The following PCSK5 variants were observed in gnomAD, a reference collection of about 807,000 sequenced individuals.
The protein encoded by PCSK5 is proprotein convertase subtilisin/kexin type 5, also known as prohormone convertase 5.
Under a neutral mutation model 233.2 loss-of-function variants are expected in PCSK5, and 129 were observed. The ratio of observed to expected loss-of-function variants is 0.55; its 90% CI spans 0.48 to 0.64. PCSK5 has a LOEUF of 0.64. PCSK5 is among the 30% of genes least tolerant of loss of function. The pLI is 0.00. For synonymous variants in PCSK5, 825 were observed against 879.2 expected (o/e 0.94, Z 1.09); for missense variants, 2,076 against 2,430.1 (o/e 0.85, Z 3.06).
rs1344274251 is a variant in PCSK5 at position 76,358,682 on chromosome 9, A to G, written c.5424A>G (p.Lys1808=). 3 of 1,612,778 alleles carry G rather than the reference A, an allele frequency of 1.9e-6. No homozygotes were observed. The highest frequency in any genetic ancestry group is 2.5e-6 in the Non-Finnish European group (3 of 1,179,886). The change falls in exon 38 of 38, where the codon AAA becomes AAG. Residue 1808 remains lysine (K), a synonymous_variant. Transcript: ENST00000674117. Reference sequence around the variant, plus strand: ...CAGCAGCAAAGGCCGGCTATGAAAAACTGGCCGACCCCAACAAGTCTTACT... The same window carrying G: ...CAGCAGCAAAGGCCGGCTATGAAAAGCTGGCCGACCCCAACAAGTCTTACT... ...VQPAAKAGYE[K]LADPNKSYSS...
At chr9:76,109,204 T>C (rs1483361139) in intron 9 of PCSK5, among the ~76,000 whole-genome samples, 1 of 152,218 alleles carries the variant, frequency 6.6e-6, no homozygotes, top group African/African-American at 2.4e-5. Flanking sequence ...TGGTGAACTC[T>C]ACCCAGGATT....
intron 33 of PCSK5, 30 bp from the exon 34 acceptor site, chr9:76,332,403 T>C (rs755890986): frequency 6.3e-7 from 1 of 1,584,906 alleles, no homozygotes; most frequent in Admixed American, 1.7e-5. Context: ...ATGCTCGATG[T>C]CCAAATAGAC....
At chr9:76,277,308 C>A (rs559182942) in intron 24 of PCSK5, among the ~76,000 whole-genome samples, 9 of 152,208 alleles carry the variant, frequency 5.9e-5, no homozygotes, top group African/African-American at 2.2e-4. Context: ...TAAATGAATA[C>A]GTGAATGAAT....
intron 27 of PCSK5, among the ~76,000 whole-genome samples, chr9:76,298,793 G>C (rs1828521408): frequency 6.6e-6 from 1 of 152,176 alleles, no homozygotes; most frequent in African/African-American, 2.4e-5. Context: ...ATTACAGAGT[G>C]TTTTTGAGAG....
intron 10 of PCSK5, among the ~76,000 whole-genome samples, chr9:76,141,644 G>T (rs762265595): frequency 6.6e-6 from 1 of 152,070 alleles, no homozygotes. Context: ...GCCTCCTCCT[G>T]CTGTGGCAAC....
intron 2 of PCSK5, among the ~76,000 whole-genome samples, chr9:75,954,064 T>G (rs898309709): frequency 6.6e-6 from 1 of 152,182 alleles, no homozygotes; most frequent in Non-Finnish European, 1.5e-5. Context: ...AAAAGGACAC[T>G]GTAAGCCATC....
intron 2 of PCSK5, among the ~76,000 whole-genome samples, chr9:75,950,979 T>G (rs186834122): frequency 2.0e-5 from 3 of 152,340 alleles, no homozygotes; most frequent in African/African-American, 7.2e-5. Context: ...AAGCAACCAT[T>G]GAAAGATTTG....
chr9:76,041,187 T>C (rs1275815857), intron 5 of PCSK5, among the ~76,000 whole-genome samples: 1 of 152,230 alleles, frequency 6.6e-6, no homozygotes, highest in African/African-American at 2.4e-5. Flanking sequence ...AAGTTCTTTT[T>C]ATGTAAAATA....
chr9:76,343,274 C>T (rs902306357), intron 35 of PCSK5, among the ~76,000 whole-genome samples: 4 of 150,712 alleles, frequency 2.7e-5, no homozygotes, highest in African/African-American at 7.3e-5. Flanking sequence ...AAATGATTAT[C>T]CTGAACCAGC....
chr9:76,047,637 C>T (rs1829469448), intron 5 of PCSK5, among the ~76,000 whole-genome samples: 1 of 152,092 alleles, frequency 6.6e-6, no homozygotes, highest in South Asian at 2.1e-4. Flanking sequence ...TTTCCTTATT[C>T]TCTTATTTAA....
intron 24 of PCSK5, among the ~76,000 whole-genome samples, chr9:76,256,258 T>TA (rs1826977584): frequency 6.6e-6 from 1 of 152,248 alleles, no homozygotes; most frequent in Admixed American, 6.5e-5. Context: ...TTCATGCTAT[T>TA]ACGCTATTTC....
At chr9:75,963,981 C>T (rs563788672) in intron 2 of PCSK5, among the ~76,000 whole-genome samples, 6 of 152,326 alleles carry the variant, frequency 3.9e-5, no homozygotes, top group East Asian at 1.9e-4. Context: ...CACATTTTTA[C>T]GTGGCCTTGG....
At chr9:76,190,955 A>G (rs1824345932) in intron 20 of PCSK5, among the ~76,000 whole-genome samples, 1 of 152,142 alleles carries the variant, frequency 6.6e-6, no homozygotes, top group Admixed American at 6.6e-5. Context: ...ATTCTCCCTA[A>G]CAATTTAGCT....
intron 27 of PCSK5, 29 bp from the exon 28 acceptor site, chr9:76,302,108 A>C (rs1182920880): frequency 8.7e-7 from 1 of 1,153,264 alleles, no homozygotes; most frequent in South Asian, 1.4e-5. Context: ...TTAAAAAAAA[A>C]CTAAACACTT....
chr9:76,279,875 C>G (rs1014294702), intron 24 of PCSK5, among the ~76,000 whole-genome samples: 25 of 151,716 alleles, frequency 1.6e-4, no homozygotes, highest in Admixed American at 2.6e-4. Flanking sequence ...CCTGTTCACT[C>G]TGATGGTAGT....
At chr9:76,006,696 C>T (rs1827491940) in intron 3 of PCSK5, among the ~76,000 whole-genome samples, 1 of 152,080 alleles carries the variant, frequency 6.6e-6, no homozygotes, top group Non-Finnish European at 1.5e-5. Context: ...TTTCATCCAC[C>T]ATCAGTTCTT....
At chr9:76,302,274 G>A in intron 28 of PCSK5, 57 bp downstream of exon 28, 1 of 811,640 alleles carries the variant, frequency 1.2e-6, no homozygotes, top group Non-Finnish European at 1.8e-6. Context: ...TCTGGAGATG[G>A]TCTCCGTGGA....
chr9:76,257,840 T>A (rs1051543290), intron 24 of PCSK5, among the ~76,000 whole-genome samples: 55 of 152,258 alleles, frequency 3.6e-4, no homozygotes, highest in Admixed American at 1.4e-3. Flanking sequence ...AATCAAAACT[T>A]TTTTCCTCGC....
chr9:76,188,299 G>A (rs1453981225), intron 17 of PCSK5, among the ~76,000 whole-genome samples: 6 of 152,166 alleles, frequency 3.9e-5, no homozygotes, highest in East Asian at 1.9e-4. Context: ...GTTGCGCAAA[G>A]TAGGAGTGTG....
Sources: gnomAD v4.1 joint callset for allele counts (sites outside exome capture counted in the v4.1 genomes callset) on GRCh38, gnomAD v4.1.1 for gene constraint, MANE v1.5 for transcripts, NCBI Gene and HGNC (gene_info 2026-07-23, HGNC 2026-07-21) for gene names.